Variants in FBXO42 observed in about 807,000 individuals in gnomAD.
FBXO42 encodes the protein F-box protein 42.
In FBXO42, 12 loss-of-function variants were observed where a neutral mutation model predicts 71.7. That is an observed-to-expected ratio of 0.17 (90% CI 0.11 to 0.27). The LOEUF (loss-of-function observed/expected upper bound fraction) is 0.27. Among genes scored for constraint, FBXO42 ranks in the 10% least tolerant of loss-of-function variants. The pLI is 1.00. For missense variants in FBXO42, 707 were observed against 911.9 expected, an observed-to-expected ratio of 0.78 and a Z score of 2.89; for synonymous variants, 325 against 327.5, an observed-to-expected ratio of 0.99 and a Z score of 0.08.
At chr1:16,306,926 A>C (rs2082257167) in intron 2 of FBXO42, among the ~76,000 whole-genome samples, 1 of 151,856 alleles carries the variant, frequency 6.6e-6, no homozygotes, top group Non-Finnish European at 1.5e-5. Context: ...TTTTTGAGAC[A>C]GAGTCTCGCT....
intron 1 of FBXO42, among the ~76,000 whole-genome samples, chr1:16,326,040 G>GTGTGTGTGTGTC (rs766515532): frequency 2.0e-5 from 3 of 150,270 alleles, no homozygotes; most frequent in African/African-American, 7.4e-5. Context: ...GTGTGTGTGT[G>GTGTGTGTGTGTC]TGTGTGTGTC....
chr1:16,260,832 T>G (rs891129754), intron 4 of FBXO42, among the ~76,000 whole-genome samples: 1 of 152,132 alleles, frequency 6.6e-6, no homozygotes, highest in Non-Finnish European at 1.5e-5. Flanking sequence ...CCTAAGCAGC[T>G]AGGACTACAG....
intron 1 of FBXO42, among the ~76,000 whole-genome samples, chr1:16,317,922 GAA>G (rs976103262): frequency 8.7e-6 from 1 of 115,402 alleles, no homozygotes. Context: ...ATGTCTCGAA[GAA>G]AAAAAAAAAA....
chr1:16,317,912 A>C (rs1014972038), intron 1 of FBXO42, among the ~76,000 whole-genome samples: 1 of 150,866 alleles, frequency 6.6e-6, no homozygotes, highest in Admixed American at 6.6e-5. Context: ...GAGTTAGACC[A>C]TGTCTCGAAG....
Position 16,247,395 on chromosome 1 carries a change from A to G in FBXO42, c.*3275T>C, listed in dbSNP as rs562377339. On this transcript the variant is annotated 3_prime_UTR_variant, in exon 10 of 10. Coordinates refer to ENST00000375592, the MANE Select transcript of FBXO42 (RefSeq NM_018994.3). ...GACAGACAGACCAACCAGGAATACCACTTTTAAGGGGGAAGGAAAGAGTGA... is the reference window on the plus strand; with the variant it reads ...GACAGACAGACCAACCAGGAATACCGCTTTTAAGGGGGAAGGAAAGAGTGA... The G allele has an allele frequency of 1.8e-3, 276 of 152,382 alleles. No individual in the cohort carries two copies. Among genetic ancestry groups the G allele is most frequent in the African/African-American group, 6.4e-3 (265 of 41,556 alleles). The allele number at this position is 152,382 out of a possible 1,614,324, so 9.4% of individuals were successfully genotyped here.
Position 16,291,182 on chromosome 1 carries a change from C to T in FBXO42, c.502+3601G>A, listed in dbSNP as rs74466732. ...CTCCCCTCAGTCACCCTCCAATCTA[C>T]CTACCTCGATGCACTAAAATGAGTG... is the stretch of plus-strand genomic sequence containing the variant. On this transcript the variant is annotated intron_variant, in intron 4 of 9. Transcript: ENST00000375592. Among the ~76,000 whole-genome samples the T allele has an allele frequency of 6.0e-3, 906 of 152,258 alleles. 7 individuals are homozygous for T. Among genetic ancestry groups the T allele is most frequent in the African/African-American group, 0.021 (870 of 41,538 alleles).
chr1:16,313,222 T>A (rs2082330200), intron 2 of FBXO42, among the ~76,000 whole-genome samples: 2 of 150,248 alleles, frequency 1.3e-5, no homozygotes, highest in African/African-American at 4.9e-5. Flanking sequence ...GAAAGATCGA[T>A]CTAAGATTGT....
chr1:16,268,802 A>C (rs1300796980), intron 4 of FBXO42, among the ~76,000 whole-genome samples: 1 of 151,998 alleles, frequency 6.6e-6, no homozygotes, highest in Non-Finnish European at 1.5e-5. Context: ...CGTCTCTACT[A>C]AAAACGAACA....
At chr1:16,311,925 A>G (rs2082316873) in intron 2 of FBXO42, among the ~76,000 whole-genome samples, 2 of 152,176 alleles carry the variant, frequency 1.3e-5, no homozygotes, top group South Asian at 2.1e-4. Context: ...GGATGCTTAC[A>G]CCAGCTTTAT....
intron 4 of FBXO42, chr1:16,294,144 C>G (rs940159919): frequency 6.6e-6 from 1 of 152,298 alleles, no homozygotes; most frequent in Admixed American, 6.5e-5. Context: ...ATCACACCAA[C>G]CCCTCCAATC....
chr1:16,264,133 A>G (rs567126148), intron 4 of FBXO42, among the ~76,000 whole-genome samples: 2 of 152,320 alleles, frequency 1.3e-5, no homozygotes, highest in South Asian at 4.1e-4. Context: ...TATATGGAGT[A>G]GCCGTAGATA....
At position 16,256,662 on chromosome 1, in the gene FBXO42, T is replaced by C. The variant is rs370415316; in HGVS notation, c.600A>G (p.Leu200=). 5 of 1,614,046 alleles carry C rather than the reference T, an allele frequency of 3.1e-6. No individual in the cohort carries two copies. Among genetic ancestry groups the C allele is most frequent in the South Asian group, 1.1e-5 (1 of 91,082 alleles). The part of the protein sequence containing the change: ...GGWTRPSPYP[L]HQPERFFDEI... ...CATCAAAGAATCTCTCTGGCTGGTG[T>C]AGGGGATAAGGGCTTGGCCGCGTCC... Residue 200 remains leucine, a synonymous_variant, in exon 5 of 10, where the codon CTA becomes CTG. Coordinates refer to ENST00000375592, the MANE Select transcript of FBXO42 (RefSeq NM_018994.3).
intron 4 of FBXO42, among the ~76,000 whole-genome samples, chr1:16,288,092 T>C (rs369862383): frequency 1.3e-5 from 2 of 151,670 alleles, no homozygotes; most frequent in African/African-American, 2.4e-5. Context: ...TGAGCCGAGA[T>C]CATGCCATTG....
chr1:16,310,974 AAAACAAAC>A (rs140818602), intron 2 of FBXO42, among the ~76,000 whole-genome samples: 9 of 145,618 alleles, frequency 6.2e-5, no homozygotes, highest in Admixed American at 6.9e-5. Flanking sequence ...ACTCCATCTC[AAAACAAAC>A]AAACAAACAA....
At chr1:16,347,093 T>C (rs1313181571) in intron 1 of FBXO42, among the ~76,000 whole-genome samples, 1 of 152,074 alleles carries the variant, frequency 6.6e-6, no homozygotes, top group Non-Finnish European at 1.5e-5. Flanking sequence ...ATATAATAAC[T>C]ATACATTTAT....
At chr1:16,332,976 T>A (rs1257252837) in intron 1 of FBXO42, among the ~76,000 whole-genome samples, 1 of 152,168 alleles carries the variant, frequency 6.6e-6, no homozygotes, top group African/African-American at 2.4e-5. Context: ...AGTACTTGTT[T>A]GTGAAATACC....
At chr1:16,335,435 C>T (rs12750808) in intron 1 of FBXO42, among the ~76,000 whole-genome samples, 52,013 of 152,050 alleles carry the variant, frequency 0.34, 10,679 homozygotes, top group East Asian at 0.67. Context: ...ACCATGCCCC[C>T]GGCTCATATC....
At chr1:16,285,518 T>C (rs2082012824) in intron 4 of FBXO42, among the ~76,000 whole-genome samples, 2 of 152,142 alleles carry the variant, frequency 1.3e-5, no homozygotes. Flanking sequence ...CTGATCTGCC[T>C]GCCTTGGCCT....
chr1:16,335,798 C>T (rs909750280), intron 1 of FBXO42, among the ~76,000 whole-genome samples: 1 of 144,840 alleles, frequency 6.9e-6, no homozygotes, highest in African/African-American at 2.6e-5. Flanking sequence ...ACCTGAGAGG[C>T]AGAGGTTGCA....
Sources: allele counts gnomAD v4.1 joint callset (sites outside exome capture counted in the v4.1 genomes callset), GRCh38; gene constraint gnomAD v4.1.1; transcripts MANE v1.5; gene names NCBI Gene and HGNC (gene_info 2026-07-23, HGNC 2026-07-21).